TSPAN15: variants seen among roughly 807,000 people sequenced by gnomAD.
TSPAN15 encodes the protein tetraspanin 15.
In TSPAN15, 20 loss-of-function variants were observed where a neutral mutation model predicts 34.5. The observed-to-expected ratio is 0.58, with a 90% confidence interval of 0.41 to 0.84. TSPAN15 has a LOEUF of 0.84. TSPAN15 is among the 40% of genes least tolerant of loss of function. TSPAN15 has a pLI of 0.00. For synonymous variants in TSPAN15, 155 were observed against 153.9 expected, an observed-to-expected ratio of 1.01 and a Z score of -0.05; for missense variants, 313 against 386.1, an observed-to-expected ratio of 0.81 and a Z score of 1.59.
At chr10:69,529,770 C>T in the TSPAN15 span, among the ~76,000 whole-genome samples, 2 of 147,248 alleles carry the variant, frequency 1.4e-5, no homozygotes, top group African/African-American at 4.9e-5. Context: ...AGTGATTTCT[C>T]AGATTTTGGT....
At chr10:69,509,271 G>C (rs1363529298), downstream of TSPAN15, among the ~76,000 whole-genome samples, 1 of 152,116 alleles carries the variant, frequency 6.6e-6, no homozygotes, top group Non-Finnish European at 1.5e-5. Flanking sequence ...TGCTTATGTG[G>C]ACCAGCGCTG....
Position 69,483,842 on chromosome 10 carries a change from C to G in TSPAN15, c.248C>G (p.Ala83Gly), listed in dbSNP as rs547357040. The G allele has an allele frequency of 1.2e-6, 2 of 1,614,002 alleles. No individual in the cohort carries two copies. Among genetic ancestry groups the G allele is most frequent in the South Asian group, 2.2e-5 (2 of 91,068 alleles). The change falls in exon 2 of 8, where the codon GCG (alanine) becomes GGG (glycine). Residue 83 changes from alanine to glycine, a missense_variant. Ala to Gly is a moderately conservative substitution (Grantham distance 60). Coordinates refer to ENST00000373290, the MANE Select transcript of TSPAN15 (RefSeq NM_012339.5). ...ATGGTCTCCTTCATTGGTGTGCTGGCGTCCCTCCGTGACAACCTGTACCTT... is the reference window on the plus strand; with the variant it reads ...ATGGTCTCCTTCATTGGTGTGCTGGGGTCCCTCCGTGACAACCTGTACCTT... Reference protein sequence around the residue: ...MFMVSFIGVLASLRDNLYLLQ... With the variant: ...MFMVSFIGVLGSLRDNLYLLQ...
the TSPAN15 span, among the ~76,000 whole-genome samples, chr10:69,539,536 A>AAGAAGAAGAAGG: frequency 9.8e-5 from 7 of 71,554 alleles, no homozygotes; most frequent in Non-Finnish European, 1.8e-4. Context: ...GAAGAAGAAG[A>AAGAAGAAGAAGG]AGGAGAAGGA....
chr10:69,476,796 TTGGGGTTG>T (rs1284738404), intron 1 of TSPAN15, among the ~76,000 whole-genome samples: 1 of 152,018 alleles, frequency 6.6e-6, no homozygotes, highest in Non-Finnish European at 1.5e-5. Flanking sequence ...TGGCTTTGAT[TTGGGGTTG>T]TGGGGGAGCC....
intron 1 of TSPAN15, 50 bp from the exon 2 acceptor site, chr10:69,483,641 A>G (rs776571306): frequency 1.3e-6 from 2 of 1,574,980 alleles, no homozygotes; most frequent in South Asian, 1.2e-5. Flanking sequence ...TTTGCTGTAG[A>G]AAATCAAGTG....
chr10:69,458,922 T>C (rs1280415448), intron 1 of TSPAN15, among the ~76,000 whole-genome samples: 1 of 152,128 alleles, frequency 6.6e-6, no homozygotes, highest in Non-Finnish European at 1.5e-5. Context: ...AATAACCACC[T>C]GCCCTCCTGC....
chr10:69,459,105 C>CAAAAAAA (rs1259881929), intron 1 of TSPAN15, among the ~76,000 whole-genome samples: 2 of 57,704 alleles, frequency 3.5e-5, no homozygotes, highest in African/African-American at 5.5e-5. Flanking sequence ...ACAAAACAGA[C>CAAAAAAA]AAAAAAAAAA....
chr10:69,520,592 G>T, the TSPAN15 span, among the ~76,000 whole-genome samples: 2 of 152,318 alleles, frequency 1.3e-5, no homozygotes, highest in South Asian at 2.1e-4. Context: ...GGAGGTGGAG[G>T]TTGTAGTGAG....
downstream of TSPAN15, among the ~76,000 whole-genome samples, chr10:69,510,053 G>C (rs1842399591): frequency 6.6e-6 from 1 of 152,274 alleles, no homozygotes; most frequent in Middle Eastern, 3.4e-3. Flanking sequence ...GATTGTCTTG[G>C]CTATACGGGC....
intron 3 of TSPAN15, chr10:69,495,306 C>A: frequency 3.0e-6 from 1 of 336,292 alleles, no homozygotes; most frequent in South Asian, 4.0e-5. Flanking sequence ...ACGGCCCCAG[C>A]CTCTCAGGGC....
the TSPAN15 span, among the ~76,000 whole-genome samples, chr10:69,538,113 T>C: frequency 6.6e-6 from 1 of 152,312 alleles, no homozygotes; most frequent in South Asian, 2.1e-4. Flanking sequence ...TGACCTCATC[T>C]AAACCTAATC....
At chr10:69,477,529 C>T (rs1334183212) in intron 1 of TSPAN15, among the ~76,000 whole-genome samples, 1 of 152,116 alleles carries the variant, frequency 6.6e-6, no homozygotes, top group African/African-American at 2.4e-5. Context: ...CCACCAGCTA[C>T]CTGTGGTCGA....
At chr10:69,494,760 C>T (rs1275684771) in intron 3 of TSPAN15, 2 of 985,278 alleles carry the variant, frequency 2.0e-6, no homozygotes, top group Non-Finnish European at 2.4e-6. Flanking sequence ...CGAGAATGCC[C>T]CCTTCGTCCC....
rs747180568 is a variant in TSPAN15 at position 69,451,699 on chromosome 10, C to A, written c.96+9C>A. The A allele has an allele frequency of 1.4e-6, 2 of 1,480,354 alleles. No individual in the cohort carries two copies. 91.7% of individuals were successfully genotyped at this position (1,480,354 alleles called of 1,614,324 possible). A position where few individuals can be genotyped will look rare whatever the true frequency, so the allele number is the denominator to read the frequency against. On this transcript the variant is annotated intron_variant, in intron 1 of 7. Transcript: ENST00000373290. ...ATTCCACCGTGTTCTGGGTGAGTGA[C>A]CCCAGTAGGGCCCGGGGATGGGGGT...
At chr10:69,490,816 G>T (rs767982813) in intron 3 of TSPAN15, among the ~76,000 whole-genome samples, 1 of 152,220 alleles carries the variant, frequency 6.6e-6, no homozygotes, top group Non-Finnish European at 1.5e-5. Flanking sequence ...TCTTTAGTTT[G>T]TATCATTTTT....
rs182335189 is a variant in TSPAN15 at position 69,470,296 on chromosome 10, A to G, written c.97-13395A>G. Among the ~76,000 whole-genome samples the G allele has an allele frequency of 6.6e-5, 10 of 152,352 alleles. No individual in the cohort carries two copies. The East Asian group carries it at 1.9e-3, about 29-fold the overall frequency. On this transcript the variant is annotated intron_variant, in intron 1 of 7. Transcript: ENST00000373290. ...CTATCTGGCCACACCATGGTTGGCC[A>G]GGCTGAACTTGACCAGTCCTCTCCA...
downstream of TSPAN15, among the ~76,000 whole-genome samples, chr10:69,508,440 CAAAAAAAA>C (rs71009229): frequency 6.4e-5 from 4 of 62,158 alleles, 1 homozygote; most frequent in East Asian, 6.9e-4. Context: ...GACTCCATCT[CAAAAAAAA>C]AAAAAAAAAA....
At chr10:69,522,375 C>CAAAAA in the TSPAN15 span, among the ~76,000 whole-genome samples, 18 of 48,362 alleles carry the variant, frequency 3.7e-4, no homozygotes, top group African/African-American at 9.0e-4. Flanking sequence ...GACCTTGTCT[C>CAAAAA]AAAAAAAAAA....
At chr10:69,510,582 G>A (rs926126402), downstream of TSPAN15, among the ~76,000 whole-genome samples, 2 of 152,164 alleles carry the variant, frequency 1.3e-5, no homozygotes, top group African/African-American at 4.8e-5. Context: ...TCTCTTGCCT[G>A]ATTGCCCTGG....
Sources: allele counts gnomAD v4.1 joint callset (sites outside exome capture counted in the v4.1 genomes callset), GRCh38; gene constraint gnomAD v4.1.1; transcripts MANE v1.5; gene names NCBI Gene and HGNC (gene_info 2026-07-23, HGNC 2026-07-21).